Variants in CEP290 observed in about 807,000 individuals in gnomAD.
CEP290 encodes centrosomal protein of 290 kDa.
In CEP290, 317 loss-of-function variants were observed where a neutral mutation model predicts 344.9. The ratio of observed to expected loss-of-function variants is 0.92; its 90% CI spans 0.84 to 1.01. CEP290 has a LOEUF of 1.01. CEP290 is among the 50% of genes least tolerant of loss of function. CEP290 has a pLI of 0.00. For synonymous variants in CEP290, 932 were observed against 895.8 expected (o/e 1.04, Z -0.72); for missense variants, 2,754 against 2,761.4 (o/e 1.00, Z 0.06).
chr12:88,095,455 AG>A (rs2037358461), intron 27 of CEP290, among the ~76,000 whole-genome samples: 1 of 152,210 alleles, frequency 6.6e-6, no homozygotes, highest in African/African-American at 2.4e-5. Context: ...GAATTTCTGT[AG>A]GGAATTCAGC....
chr12:88,054,726 T>C (rs1304315518), intron 50 of CEP290, among the ~76,000 whole-genome samples: 1 of 151,942 alleles, frequency 6.6e-6, no homozygotes, highest in East Asian at 1.9e-4. Flanking sequence ...TGCCAGATGG[T>C]AGGAAGAGCT....
chr12:88,107,060 T>C lies in CEP290; in HGVS notation c.2522A>G (p.Lys841Arg). The change falls in exon 24 of 54, where the codon AAA becomes AGA. Residue 841 changes from lysine (K) to arginine (R), a missense_variant. By Grantham distance (26) the Lys-to-Arg change is conservative (BLOSUM62 2). Transcript: ENST00000552810. ...ETWKTESKTI[K>R]EEKRKLEDQV... ...ATCCTCAAGTTTTCTCTTTTCCTCT[T>C]TTATTGTTTTAGATTCTGTTTTCCA... The C allele has an allele frequency of 2.6e-6, 4 of 1,553,406 alleles. No individual in the cohort carries two copies. Among genetic ancestry groups the C allele is most frequent in the Non-Finnish European group, 3.5e-6 (4 of 1,150,288 alleles).
chr12:88,071,625 ATT>A (rs957259314), intron 42 of CEP290, among the ~76,000 whole-genome samples, 154 bp downstream of exon 42: 7 of 152,182 alleles, frequency 4.6e-5, no homozygotes, highest in Admixed American at 4.6e-4. Flanking sequence ...TTTAAAACAG[ATT>A]TTAAAGAAAA....
chr12:88,090,590 ACTG>A, intron 30 of CEP290, 135 bp downstream of exon 30: 2 of 602,368 alleles, frequency 3.3e-6, no homozygotes, highest in Non-Finnish European at 2.9e-6. Flanking sequence ...TGAATGTACC[ACTG>A]CACTCCACCC....
intron 27 of CEP290, among the ~76,000 whole-genome samples, chr12:88,095,183 T>C (rs964528859): frequency 1.3e-5 from 2 of 152,102 alleles, no homozygotes; most frequent in Non-Finnish European, 2.9e-5. Context: ...TTCTGTATTG[T>C]GCTAAACTCT....
At chr12:88,063,936 G>A (rs978286366) in intron 45 of CEP290, 45 bp downstream of exon 45, 1 of 1,486,062 alleles carries the variant, frequency 6.7e-7, no homozygotes, top group Non-Finnish European at 9.1e-7. Flanking sequence ...AACTAAGGAA[G>A]GAGTTTTAGG....
At chr12:88,124,374 T>C (rs2039600390) in intron 13 of CEP290, among the ~76,000 whole-genome samples, 1 of 152,162 alleles carries the variant, frequency 6.6e-6, no homozygotes, top group Non-Finnish European at 1.5e-5. Context: ...GCCATCTGCA[T>C]GTTTCACTCC....
chr12:88,106,630 G>T, intron 25 of CEP290, 45 bp downstream of exon 25: 1 of 1,317,718 alleles, frequency 7.6e-7, no homozygotes, highest in African/African-American at 1.5e-5. Flanking sequence ...CTGCATATTT[G>T]AAATTTTTCA....
chr12:88,121,629 AAT>A (rs1251823396), intron 13 of CEP290, among the ~76,000 whole-genome samples: 17 of 149,792 alleles, frequency 1.1e-4, no homozygotes, highest in African/African-American at 4.1e-4. Context: ...AAAAAAAAAA[AAT>A]GTTTTTAAAA....
Position 88,120,226 on chromosome 12 carries a change from GT to G in CEP290, c.1409del (p.Asn470ThrfsTer5). On this transcript the variant is annotated frameshift_variant, in exon 15 of 54. Coordinates refer to ENST00000552810, the MANE Select transcript of CEP290 (RefSeq NM_025114.4). LOFTEE classifies it high-confidence loss of function. ...TCTCTCGATCTCTTATTTTAATTTG[GT>G]TTTTACAATTCTTTATTTCAACGAC... is the stretch of plus-strand genomic sequence containing the variant. ...DAVVEIKNCK[N>X]QIKIRDREIE... 6.7e-7 allele frequency: 1 copy of G among 1,501,686 alleles called. No homozygotes were observed. The highest frequency in any genetic ancestry group is 2.5e-5 in the East Asian group (1 of 40,590). 93.0% of individuals were successfully genotyped at this position (1,501,686 alleles called of 1,614,324 possible).
intron 45 of CEP290, 81 bp downstream of exon 45, chr12:88,063,900 A>T: frequency 8.3e-7 from 1 of 1,198,950 alleles, no homozygotes; most frequent in Admixed American, 2.8e-5. Flanking sequence ...TTGACTTCTT[A>T]ATAAGCTAAT....
chr12:88,107,275 T>A (rs1365354774), intron 23 of CEP290, among the ~76,000 whole-genome samples, 177 bp from the exon 24 acceptor site: 1 of 152,140 alleles, frequency 6.6e-6, no homozygotes, highest in Non-Finnish European at 1.5e-5. Flanking sequence ...TAGCCTAGAA[T>A]TAAAAATTTT....
In CEP290 at chr12:88,120,997, C is replaced by G; in HGVS notation, c.1359G>C (p.Ser453=). The change falls in exon 14 of 54, where the codon TCG becomes TCC. Residue 453 remains serine (S), a splice_region_variant and synonymous_variant. Coordinates refer to ENST00000552810, the MANE Select transcript of CEP290 (RefSeq NM_025114.4). Reference sequence around the variant, plus strand: ...TGAATGACAAGATAAAAATACATACCGATTCATAATCTTTTAACCTCTTCA... The same window carrying G: ...TGAATGACAAGATAAAAATACATACGGATTCATAATCTTTTAACCTCTTCA... ...EALKRLKDYE[S]GVYGLEDAVV... is the part of the protein sequence containing the mutation. 6 of 1,607,088 alleles carry G rather than the reference C, an allele frequency of 3.7e-6. No homozygotes were observed. Among genetic ancestry groups the G allele is most frequent in the South Asian group, 2.2e-5 (2 of 89,908 alleles).
At chr12:88,063,550 A>G (rs958440879) in intron 45 of CEP290, among the ~76,000 whole-genome samples, 5 of 151,866 alleles carry the variant, frequency 3.3e-5, no homozygotes, top group Non-Finnish European at 7.4e-5. Context: ...CACTTCCTTT[A>G]CCCCTCCTTA....
intron 6 of CEP290, among the ~76,000 whole-genome samples, chr12:88,135,412 G>A (rs1407285243): frequency 6.6e-6 from 1 of 152,058 alleles, no homozygotes; most frequent in Non-Finnish European, 1.5e-5. Context: ...CAAAAGTCCA[G>A]AAAACCACAG....
At chr12:88,077,955 T>C in intron 39 of CEP290, 37 bp from the exon 40 acceptor site, 1 of 853,388 alleles carries the variant, frequency 1.2e-6, no homozygotes, top group Non-Finnish European at 1.8e-6. Context: ...TTCATGACTC[T>C]TCAAGAAGTA....
At chr12:88,097,682 C>G (rs2037541677) in intron 26 of CEP290, among the ~76,000 whole-genome samples, 1 of 151,110 alleles carries the variant, frequency 6.6e-6, no homozygotes, top group Non-Finnish European at 1.5e-5. Context: ...TCATCCAAAT[C>G]CTGTGTTATC....
intron 39 of CEP290, 125 bp from the exon 40 acceptor site, chr12:88,078,043 G>GA (rs528581196): frequency 1.6e-4 from 52 of 317,232 alleles, no homozygotes; most frequent in South Asian, 1.2e-3. Flanking sequence ...GTACACAAGA[G>GA]AAAAAAAATA....
rs1412592899 is a variant in CEP290 at position 88,058,733 on chromosome 12, C to T, written c.6818+115G>A. The T allele has an allele frequency of 4.0e-6, 4 of 1,006,136 alleles. No homozygotes were observed. The African/African-American group carries it at 4.9e-5, about 12-fold the overall frequency. The allele number at this position is 1,006,136 out of a possible 1,614,324, so 62.3% of individuals were successfully genotyped here. Reference sequence around the variant, plus strand: ...AAAAGTATTATGTTAAAACAACAACCAAACAAACTGTTCATCAGGAAGAAA... The same window carrying T: ...AAAAGTATTATGTTAAAACAACAACTAAACAAACTGTTCATCAGGAAGAAA... On this transcript the variant is annotated intron_variant, in intron 49 of 53. Coordinates refer to ENST00000552810, the MANE Select transcript of CEP290 (RefSeq NM_025114.4).
Sources: allele counts gnomAD v4.1 joint callset (sites outside exome capture counted in the v4.1 genomes callset), GRCh38; gene constraint gnomAD v4.1.1; transcripts MANE v1.5; gene names NCBI Gene and HGNC (gene_info 2026-07-23, HGNC 2026-07-21).